The following COX14 variants were observed in gnomAD, a reference collection of about 807,000 sequenced individuals.
COX14 encodes cytochrome c oxidase assembly protein COX14.
A neutral mutation model predicts 5.8 loss-of-function variants in COX14; 3 were observed. That is an observed-to-expected ratio of 0.51 (90% CI 0.23 to 1.33). COX14 has a LOEUF of 1.33. Among genes scored for constraint, COX14 ranks in the 40% most tolerant of loss-of-function variants. The pLI, the probability that COX14 is intolerant of heterozygous loss-of-function variation, is 0.18. For synonymous variants in COX14, 25 were observed against 26.1 expected (o/e 0.96, Z 0.13); for missense variants, 72 against 72.1 (o/e 1.00, Z 0.01).
At position 50,114,970 on chromosome 12, in the gene COX14, G is replaced by A. The variant is rs556688611; in HGVS notation, c.-9+2669G>A. On this transcript the variant is annotated intron_variant, in intron 1 of 1. Transcript: ENST00000550487. Reference sequence around the variant, plus strand: ...TTTAGTAGAGATGGGGTTTCACCATGTTGGCCAGGATGGTCTCAATCTCTG... The same window carrying A: ...TTTAGTAGAGATGGGGTTTCACCATATTGGCCAGGATGGTCTCAATCTCTG... 7.3e-5 allele frequency among the ~76,000 whole-genome samples: 11 copies of A among 150,402 alleles called. No individual in the cohort carries two copies. In the South Asian group the frequency reaches 2.3e-3, roughly 32 times the overall value.
chr12:50,116,115 CAG>C (rs1159607125), intron 1 of COX14, among the ~76,000 whole-genome samples: 10 of 141,864 alleles, frequency 7.0e-5, no homozygotes, highest in African/African-American at 2.4e-4. Context: ...TTTTTTGAGA[CAG>C]AGTCTTGCTC....
At chr12:50,117,055 G>A (rs553551884) in intron 1 of COX14, among the ~76,000 whole-genome samples, 1 of 152,216 alleles carries the variant, frequency 6.6e-6, no homozygotes, top group Admixed American at 6.5e-5. Flanking sequence ...TGTCACCCAA[G>A]CTGTAGTGCA....
chr12:50,118,574 T>G (rs1951103593), intron 1 of COX14: 1 of 234,620 alleles, frequency 4.3e-6, no homozygotes, highest in Non-Finnish European at 7.0e-6. Flanking sequence ...AAAACCATCC[T>G]GGCTAACACG....
rs1264140648 is a variant in COX14, at chr12:50,117,362, T to TGC, written c.-8-2672_-8-2671dup. ...GTGTGTATGCTTTGGTGTGTGTGTG[T>TGC]GCGTGGCCATGGTAAGGGGCGGGAT... is the stretch of plus-strand genomic sequence containing the variant. On this transcript the variant is annotated intron_variant, in intron 1 of 1. Coordinates refer to ENST00000550487, the MANE Select transcript of COX14 (RefSeq NM_032901.4). 3.3e-5 allele frequency among the ~76,000 whole-genome samples: 5 copies of TGC among 152,048 alleles called. 1 individual carries two copies. Among genetic ancestry groups the TGC allele is most frequent in the Admixed American group, 3.3e-4 (5 of 15,244 alleles).
intron 1 of COX14, among the ~76,000 whole-genome samples, chr12:50,117,359 G>C (rs926882348): frequency 3.9e-5 from 6 of 152,042 alleles, no homozygotes; most frequent in Admixed American, 1.3e-4. Flanking sequence ...TGGTGTGTGT[G>C]TGTGCGTGGC....
chr12:50,116,056 TCTA>T (rs949706879), intron 1 of COX14, among the ~76,000 whole-genome samples: 1 of 152,050 alleles, frequency 6.6e-6, no homozygotes, highest in Non-Finnish European at 1.5e-5. Flanking sequence ...TCTTTCCACT[TCTA>T]CTGCTACCAC....
chr12:50,115,944 C>T (rs1387081043), intron 1 of COX14, among the ~76,000 whole-genome samples: 1 of 152,174 alleles, frequency 6.6e-6, no homozygotes, highest in Non-Finnish European at 1.5e-5. Context: ...GTATCCCAGT[C>T]TACAAAGTTT....
chr12:50,119,356 C>G (rs996915396), intron 1 of COX14, among the ~76,000 whole-genome samples: 2 of 152,212 alleles, frequency 1.3e-5, no homozygotes, highest in African/African-American at 4.8e-5. Context: ...TTAGTTCCCT[C>G]CTAGCTAGAA....
At chr12:50,113,926 C>T (rs7968119) in intron 1 of COX14, among the ~76,000 whole-genome samples, 51,483 of 151,364 alleles carry the variant, frequency 0.34, 8,980 homozygotes, top group South Asian at 0.39. Flanking sequence ...TCACGCCCAG[C>T]CTTTTTTTTT....
chr12:50,114,780 T>C (rs1951064461), intron 1 of COX14, among the ~76,000 whole-genome samples: 1 of 124,032 alleles, frequency 8.1e-6, no homozygotes, highest in East Asian at 2.3e-4. Flanking sequence ...ATTTTTTTTT[T>C]TTTTTTTTTT....
chr12:50,118,888 A>G (rs1357037240), intron 1 of COX14, among the ~76,000 whole-genome samples: 1 of 152,180 alleles, frequency 6.6e-6, no homozygotes, highest in Non-Finnish European at 1.5e-5. Context: ...AGTTCCCTCA[A>G]CAGAGTAGCA....
rs12229758 is a variant in COX14, at chr12:50,118,510, G to A, written c.-8-1526G>A. 215,876 of 809,598 alleles carry A rather than the reference G, an allele frequency of 0.27. 30,325 individuals carry two copies. The highest frequency in any genetic ancestry group is 0.75 in the East Asian group (5,998 of 8,008). 50.2% of individuals were successfully genotyped at this position (809,598 alleles called of 1,614,324 possible). On this transcript the variant is annotated intron_variant, in intron 1 of 1. Transcript: ENST00000550487. ...TTGGCCAGGCGCGGTGGCTCACGCC[G>A]TAATCCCAGCACTTTGGGAGGCCAA...
At chr12:50,114,370 C>G (rs1227907434) in intron 1 of COX14, among the ~76,000 whole-genome samples, 2 of 151,788 alleles carry the variant, frequency 1.3e-5, no homozygotes, top group Non-Finnish European at 2.9e-5. Context: ...CTGCCTCAGC[C>G]TCCTGAGTAG....
intron 1 of COX14, among the ~76,000 whole-genome samples, chr12:50,119,151 A>G (rs920347261): frequency 1.3e-5 from 2 of 152,232 alleles, no homozygotes; most frequent in African/African-American, 4.8e-5. Flanking sequence ...TATAATTGAA[A>G]TAATATAAAA....
chr12:50,118,195 C>T (rs1259204733), intron 1 of COX14, among the ~76,000 whole-genome samples: 4 of 151,582 alleles, frequency 2.6e-5, no homozygotes, highest in African/African-American at 7.3e-5. Context: ...TACAGGCATG[C>T]GCCACCACGC....
Position 50,113,607 on chromosome 12 carries a change from TTTTA to T in COX14, c.-9+1322_-9+1325del, listed in dbSNP as rs1224687523. On this transcript the variant is annotated intron_variant, in intron 1 of 1. Coordinates refer to ENST00000550487, the MANE Select transcript of COX14 (RefSeq NM_032901.4). ...CGTGAGCCACTGTACCCGGCCGTTA[TTTTA>T]TTTATTTATTTATTTGTTTGTTATT... 1.6e-4 allele frequency among the ~76,000 whole-genome samples: 25 copies of T among 151,516 alleles called. No individual in the cohort carries two copies. In the East Asian group the frequency reaches 2.0e-3, roughly 12 times the overall value.
In COX14 at chr12:50,120,198, A is replaced by C; in HGVS notation, c.155A>C (p.Lys52Thr). ...CAGCGCCAGGCCGCAGAAGAACAGA[A>C]GACCTCAGGAATCATGTAGAACTGG... ...RAQRQAAEEQ[K>T]TSGIM Residue 52 changes from lysine to threonine, a missense_variant, in exon 2 of 2, where the codon AAG becomes ACG. Physicochemically the swap from Lys to Thr is moderately conservative, Grantham distance 78. Transcript: ENST00000550487. The C allele has an allele frequency of 6.2e-7, 1 of 1,614,084 alleles. No individual in the cohort carries two copies. Among genetic ancestry groups the C allele is most frequent in the African/African-American group, 1.3e-5 (1 of 75,036 alleles).
chr12:50,118,440 A>T lies in COX14; in HGVS notation c.-8-1596A>T, dbSNP rs1353858961. On this transcript the variant is annotated intron_variant, in intron 1 of 1. Transcript: ENST00000550487. ...CATACCCCAACCCCGTCCTTGATGGACATCATGCTCTGGTTGTTGTTTCTT... is the reference window on the plus strand; with the variant it reads ...CATACCCCAACCCCGTCCTTGATGGTCATCATGCTCTGGTTGTTGTTTCTT... 5 of 985,048 alleles carry T rather than the reference A, an allele frequency of 5.1e-6. No homozygotes were observed. In the African/African-American group the frequency reaches 8.7e-5, roughly 17 times the overall value. The allele number at this position is 985,048 out of a possible 1,614,324, so 61.0% of individuals were successfully genotyped here.
intron 1 of COX14, among the ~76,000 whole-genome samples, chr12:50,114,565 C>G (rs563974557): frequency 2.6e-5 from 4 of 151,700 alleles, no homozygotes; most frequent in South Asian, 4.2e-4. Flanking sequence ...GAATTTCCTA[C>G]CTGCCTTTTC....
Sources: allele counts gnomAD v4.1 joint callset (sites outside exome capture counted in the v4.1 genomes callset), GRCh38; gene constraint gnomAD v4.1.1; transcripts MANE v1.5; gene names NCBI Gene and HGNC (gene_info 2026-07-23, HGNC 2026-07-21).